The following SCUBE1 variants were observed in gnomAD, a reference collection of about 807,000 sequenced individuals.
SCUBE1 encodes signal peptide, CUB domain and EGF like domain containing 1, also known as signal peptide, CUB and EGF-like domain-containing protein 1.
SCUBE1 carries 59 observed loss-of-function variants against 124.4 expected under a neutral mutation model. The observed-to-expected ratio is 0.47, with a 90% CI of 0.38 to 0.59. The LOEUF is 0.59. Among genes scored for constraint, SCUBE1 ranks in the 20% least tolerant of loss-of-function variants. The pLI is 0.00. For synonymous variants in SCUBE1, 545 were observed against 550.9 expected (o/e 0.99, Z 0.15); for missense variants, 1,150 against 1,371.2 (o/e 0.84, Z 2.55).
chr22:43,323,616 CCA>C (rs1255438912), intron 2 of SCUBE1, among the ~76,000 whole-genome samples: 1 of 151,820 alleles, frequency 6.6e-6, no homozygotes. Context: ...ATCCATCCAT[CCA>C]TCCATCCATC....
chr22:43,217,467 C>T (rs1307058525), intron 15 of SCUBE1, among the ~76,000 whole-genome samples: 1 of 151,976 alleles, frequency 6.6e-6, no homozygotes, highest in Non-Finnish European at 1.5e-5. Context: ...TCTGTCTCTC[C>T]CTAGGAGCCC....
At chr22:43,241,950 G>A (rs959312874) in intron 6 of SCUBE1, among the ~76,000 whole-genome samples, 4 of 152,342 alleles carry the variant, frequency 2.6e-5, no homozygotes, top group African/African-American at 9.6e-5. Flanking sequence ...TTCCCGCTTC[G>A]GGGCCTGGGG....
intron 19 of SCUBE1, 99 bp from the exon 20 acceptor site, chr22:43,208,323 C>T (rs767092310): frequency 1.1e-5 from 12 of 1,126,088 alleles, no homozygotes; most frequent in Admixed American, 2.0e-5. Context: ...GCACCTGCAC[C>T]GAACGCCTGG....
chr22:43,309,689 C>T (rs904789365), intron 3 of SCUBE1, among the ~76,000 whole-genome samples: 1 of 152,108 alleles, frequency 6.6e-6, no homozygotes, highest in Admixed American at 6.5e-5. Flanking sequence ...CACCTGAGTC[C>T]TGTACCTCCG....
At chr22:43,228,348 C>T (rs1364290801) in intron 9 of SCUBE1, among the ~76,000 whole-genome samples, 1 of 152,184 alleles carries the variant, frequency 6.6e-6, no homozygotes, top group Admixed American at 6.5e-5. Context: ...TCCAGCAGTG[C>T]ATGCTCCCAT....
rs1468963908 is a variant in SCUBE1, at chr22:43,199,526, T to A, written c.*4471A>T. 1 of 151,360 alleles carries A rather than the reference T, an allele frequency of 6.6e-6. No individual in the cohort carries two copies. The highest frequency in any genetic ancestry group is 1.5e-5 in the Non-Finnish European group (1 of 68,086). 9.4% of individuals were successfully genotyped at this position (151,360 alleles called of 1,614,324 possible). A position where few individuals can be genotyped will look rare whatever the true frequency, so the allele number is the denominator to read the frequency against. ...TTTGGCCCGTGTTTCAGCTCTACTTTATCTGTGTGTCCTAAGCCAATGGGT... is the reference window on the plus strand; with the variant it reads ...TTTGGCCCGTGTTTCAGCTCTACTTAATCTGTGTGTCCTAAGCCAATGGGT... On this transcript the variant is annotated 3_prime_UTR_variant, in exon 22 of 22. Transcript: ENST00000360835.
Position 43,343,168 on chromosome 22 carries a change from G to T in SCUBE1, c.88+6C>A, listed in dbSNP as rs1377199775. 1.8e-5 allele frequency: 21 copies of T among 1,166,860 alleles called. No homozygotes were observed. The highest frequency in any genetic ancestry group is 2.2e-5 in the Non-Finnish European group (21 of 948,268). 72.3% of individuals were successfully genotyped at this position (1,166,860 alleles called of 1,614,324 possible). On this transcript the variant is annotated splice_donor_region_variant and intron_variant, in intron 1 of 21. Coordinates refer to ENST00000360835, the MANE Select transcript of SCUBE1 (RefSeq NM_173050.5). ...CCGCCGCCCCCCACCTCGGTCGGGG[G>T]CTTACCTGGGAGCCCGCTGCCCCCG...
intron 4 of SCUBE1, among the ~76,000 whole-genome samples, chr22:43,284,096 T>C (rs1015840553): frequency 1.3e-5 from 2 of 152,262 alleles, no homozygotes; most frequent in Non-Finnish European, 2.9e-5. Context: ...CACACGGCCG[T>C]GGTCTTCAGA....
At chr22:43,273,235 T>C (rs1040139463) in intron 4 of SCUBE1, among the ~76,000 whole-genome samples, 13 of 152,174 alleles carry the variant, frequency 8.5e-5, no homozygotes, top group African/African-American at 2.4e-5. Flanking sequence ...GGGACTGTGA[T>C]TGGCTCCTGG....
At chr22:43,265,683 T>C (rs1425423973) in intron 4 of SCUBE1, among the ~76,000 whole-genome samples, 1 of 152,198 alleles carries the variant, frequency 6.6e-6, no homozygotes, top group African/African-American at 2.4e-5. Flanking sequence ...TTCCTGACAA[T>C]TATAAAGGAG....
chr22:43,242,477 C>T (rs756836196), intron 6 of SCUBE1, among the ~76,000 whole-genome samples: 187 of 152,306 alleles, frequency 1.2e-3, no homozygotes, highest in Non-Finnish European at 2.2e-3. Flanking sequence ...CATCTCTGCC[C>T]GGTGGGGAGG....
At chr22:43,229,951 C>T (rs1274069972) in intron 8 of SCUBE1, among the ~76,000 whole-genome samples, 1 of 152,198 alleles carries the variant, frequency 6.6e-6, no homozygotes, top group African/African-American at 2.4e-5. Flanking sequence ...CCTCCTTGGG[C>T]ATAGCAGTTA....
intron 4 of SCUBE1, among the ~76,000 whole-genome samples, chr22:43,290,760 G>T (rs866242582): frequency 4.6e-5 from 7 of 152,360 alleles, no homozygotes; most frequent in Middle Eastern, 3.4e-3. Context: ...GCCACAGCCA[G>T]CCCCCAACTC....
intron 13 of SCUBE1, among the ~76,000 whole-genome samples, 198 bp from the exon 14 acceptor site, chr22:43,220,785 C>T (rs1314026818): frequency 6.6e-6 from 1 of 152,196 alleles, no homozygotes; most frequent in Non-Finnish European, 1.5e-5. Context: ...ACGCCCGGTC[C>T]ATCACGCTGC....
chr22:43,321,227 C>G (rs1569030100), intron 2 of SCUBE1, among the ~76,000 whole-genome samples: 1 of 152,202 alleles, frequency 6.6e-6, no homozygotes, highest in African/African-American at 2.4e-5. Context: ...GTTCCAGCTA[C>G]GAAAGTGGGG....
chr22:43,288,754 C>T (rs1226558698), intron 4 of SCUBE1, among the ~76,000 whole-genome samples: 8 of 152,244 alleles, frequency 5.3e-5, no homozygotes, highest in South Asian at 4.1e-4. Flanking sequence ...TCCCTAACTT[C>T]GCTGGGCTTC....
intron 6 of SCUBE1, among the ~76,000 whole-genome samples, chr22:43,251,602 C>A (rs952833402): frequency 2.6e-5 from 4 of 152,046 alleles, no homozygotes; most frequent in East Asian, 3.9e-4. Context: ...GCTGGCTCTG[C>A]AGGTGGAGAA....
chr22:43,242,730 G>A (rs771881352), intron 6 of SCUBE1, among the ~76,000 whole-genome samples: 3 of 152,216 alleles, frequency 2.0e-5, no homozygotes, highest in African/African-American at 7.2e-5. Flanking sequence ...GACCCTGGGG[G>A]CCCTCCAGTC....
chr22:43,212,071 T>TG (rs1416516418), intron 17 of SCUBE1, among the ~76,000 whole-genome samples: 3 of 152,020 alleles, frequency 2.0e-5, no homozygotes, highest in Admixed American at 6.5e-5. Context: ...GTTGAGGTGA[T>TG]GCCCTGATCC....
Sources: allele counts gnomAD v4.1 joint callset (sites outside exome capture counted in the v4.1 genomes callset), GRCh38; gene constraint gnomAD v4.1.1; transcripts MANE v1.5; gene names NCBI Gene and HGNC (gene_info 2026-07-23, HGNC 2026-07-21).